KLF8: variants seen among roughly 807,000 people sequenced by gnomAD.
KLF8 encodes the protein Krueppel-like factor 8.
A neutral mutation model predicts 18.2 loss-of-function variants in KLF8; 10 were observed. The ratio of observed to expected loss-of-function variants is 0.55; its 90% confidence interval spans 0.34 to 0.93. KLF8 has a LOEUF of 0.93. Ranked by LOEUF, KLF8 falls within the 40% of genes least tolerant of loss-of-function variation. The pLI, the probability that KLF8 is intolerant of heterozygous loss-of-function variation, is 0.02. For missense variants in KLF8, 264 were observed against 277.9 expected, an observed-to-expected ratio of 0.95 and a Z score of 0.36; for synonymous variants, 109 against 97.3, an observed-to-expected ratio of 1.12 and a Z score of -0.71.
chrX:56,174,042 C>A, the KLF8 span, among the ~76,000 whole-genome samples: 2 of 111,924 alleles, frequency 1.8e-5, no homozygotes, highest in Non-Finnish European at 1.9e-5. Flanking sequence ...CATCTGCAAA[C>A]AGGGACAATT....
the KLF8 span, among the ~76,000 whole-genome samples, chrX:56,041,931 C>A: frequency 1.8e-5 from 2 of 111,323 alleles, no homozygotes; most frequent in Admixed American, 9.5e-5. Context: ...TCATGATCTG[C>A]CTGCCTCTGC....
chrX:55,917,761 C>T, the KLF8 span, among the ~76,000 whole-genome samples: 1 of 111,985 alleles, frequency 8.9e-6, no homozygotes, highest in Admixed American at 9.5e-5. Context: ...GTGCCCAGAA[C>T]TGTGTTAGCC....
chrX:56,180,076 C>T, the KLF8 span, among the ~76,000 whole-genome samples: 1 of 111,615 alleles, frequency 9.0e-6, no homozygotes, highest in Non-Finnish European at 1.9e-5. Flanking sequence ...GTACCAGCCC[C>T]TCCTTGTACA....
At chrX:56,061,986 C>CTTTTTTTTTT in the KLF8 span, among the ~76,000 whole-genome samples, 9 of 57,118 alleles carry the variant, frequency 1.6e-4, no homozygotes, top group African/African-American at 9.3e-4. Flanking sequence ...GCAACCCCTG[C>CTTTTTTTTTT]TTTTTTTTTT....
the KLF8 span, among the ~76,000 whole-genome samples, chrX:56,086,790 T>G: frequency 9.0e-6 from 1 of 110,986 alleles, no homozygotes; most frequent in Non-Finnish European, 1.9e-5. Flanking sequence ...AAAGCCAAAA[T>G]GTAGTTAGTA....
the KLF8 span, among the ~76,000 whole-genome samples, chrX:56,181,641 C>G: frequency 6.4e-4 from 71 of 111,583 alleles, no homozygotes; most frequent in Non-Finnish European, 1.1e-3. Context: ...TTCAGGAGCT[C>G]TTGAAAGGCA....
chrX:56,209,218 T>A, the KLF8 span, among the ~76,000 whole-genome samples: 1 of 112,293 alleles, frequency 8.9e-6, no homozygotes, highest in African/African-American at 3.2e-5. Context: ...ACATTCTTTA[T>A]CTCTTCTTAT....
the KLF8 span, among the ~76,000 whole-genome samples, chrX:56,164,034 C>T: frequency 9.0e-6 from 1 of 111,621 alleles, no homozygotes; most frequent in Admixed American, 9.6e-5. Context: ...GCAATGCCTC[C>T]AGCTTTGTTC....
the KLF8 span, among the ~76,000 whole-genome samples, chrX:55,911,022 A>T: frequency 0.033 from 3,721 of 111,863 alleles, 174 homozygotes; most frequent in African/African-American, 0.11. Context: ...CCTACAATTG[A>T]CCAGAAGCCT....
chrX:56,291,463 G>A lies in KLF8; in HGVS notation c.*6969G>A, dbSNP rs752208148. On this transcript the variant is annotated 3_prime_UTR_variant, in exon 6 of 6. Transcript: ENST00000468660. Reference sequence around the variant, plus strand: ...CATCCATGCAGGGTGTGTGCTTGGGGACTAAGCAATCTTGTTCAGTTTAAT... The same window carrying A: ...CATCCATGCAGGGTGTGTGCTTGGGAACTAAGCAATCTTGTTCAGTTTAAT... Among the ~76,000 whole-genome samples the A allele has an allele frequency of 8.9e-6, 1 of 111,755 alleles. No individual in the cohort carries two copies.
chrX:55,968,895 CAGG>C, the KLF8 span, among the ~76,000 whole-genome samples: 1 of 111,612 alleles, frequency 9.0e-6, no homozygotes, highest in Non-Finnish European at 1.9e-5. Context: ...GTCAATTCAG[CAGG>C]AGGTTATAAC....
At chrX:56,098,862 T>A in the KLF8 span, among the ~76,000 whole-genome samples, 1 of 112,063 alleles carries the variant, frequency 8.9e-6, no homozygotes, top group South Asian at 3.7e-4. Flanking sequence ...ACTCTTAAAG[T>A]TGATAAAGAA....
the KLF8 span, among the ~76,000 whole-genome samples, chrX:56,049,083 A>C: frequency 8.9e-6 from 1 of 111,848 alleles, no homozygotes; most frequent in Admixed American, 9.5e-5. Flanking sequence ...TTATTAGTGC[A>C]TAAGAATGCT....
the KLF8 span, among the ~76,000 whole-genome samples, chrX:56,072,227 G>A: frequency 1.8e-5 from 2 of 111,789 alleles, no homozygotes; most frequent in African/African-American, 6.5e-5. Context: ...CTAGTGGAGT[G>A]ATAAGTATGA....
chrX:56,272,642 A>G (rs1309258490), intron 5 of KLF8, among the ~76,000 whole-genome samples: 1 of 110,925 alleles, frequency 9.0e-6, no homozygotes, highest in Non-Finnish European at 1.9e-5. Context: ...ATTTGCCCCA[A>G]CTGCTTGACT....
the KLF8 span, among the ~76,000 whole-genome samples, chrX:56,162,118 C>A: frequency 9.0e-6 from 1 of 111,687 alleles, no homozygotes; most frequent in South Asian, 3.8e-4. Context: ...GCTGCCTGAA[C>A]GTTCCTCTGG....
At chrX:55,961,715 A>T in the KLF8 span, 1 of 384,741 alleles carries the variant, frequency 2.6e-6, no homozygotes, top group South Asian at 2.9e-5. Context: ...GGATGCTGGC[A>T]TGCAGCTACA....
chrX:56,180,018 G>A, the KLF8 span, among the ~76,000 whole-genome samples: 3 of 111,243 alleles, frequency 2.7e-5, no homozygotes, highest in Admixed American at 9.6e-5. Flanking sequence ...AATGAGTTAG[G>A]GAGGATTCCC....
chrX:56,039,723 G>A, the KLF8 span, among the ~76,000 whole-genome samples: 406 of 111,437 alleles, frequency 3.6e-3, no homozygotes, highest in African/African-American at 0.012. Flanking sequence ...CTCTTTTTTG[G>A]TTGCATATAA....
Sources: allele counts gnomAD v4.1 joint callset (sites outside exome capture counted in the v4.1 genomes callset), GRCh38; gene constraint gnomAD v4.1.1; transcripts MANE v1.5; gene names NCBI Gene and HGNC (gene_info 2026-07-23, HGNC 2026-07-21).